Variants in SYN3 observed in about 807,000 individuals in gnomAD.
SYN3 encodes synapsin III, also known as synapsin-3.
In SYN3, 35 loss-of-function variants were observed where a neutral mutation model predicts 65.8. That is an observed-to-expected ratio of 0.53 (90% CI 0.41 to 0.70). The LOEUF (loss-of-function observed/expected upper bound fraction) is 0.70. Among genes scored for constraint, SYN3 ranks in the 30% least tolerant of loss-of-function variants. SYN3 has a pLI of 0.00. For synonymous variants in SYN3, 270 were observed against 292.9 expected (o/e 0.92, Z 0.80); for missense variants, 680 against 749.0 (o/e 0.91, Z 1.08).
chr22:32,513,845 G>A, intron 13 of SYN3, 21 bp from the exon 14 acceptor site: 2 of 1,613,902 alleles, frequency 1.2e-6, no homozygotes, highest in Non-Finnish European at 1.7e-6. Context: ...AAGGCAAGGG[G>A]GTTGAGGAAG....
rs141393529 is a variant in SYN3, at chr22:32,730,709, T to C, written c.712-133973A>G. Among the ~76,000 whole-genome samples the C allele has an allele frequency of 1.2e-3, 179 of 152,316 alleles. 1 individual carries two copies. The highest frequency in any genetic ancestry group is 4.0e-3 in the African/African-American group (168 of 41,564). Reference sequence around the variant, plus strand: ...ACTGTGAGGTAATAAGTGGGTGTTGTCTTGCAATGCTAAATTTGTGATAAT... The same window carrying C: ...ACTGTGAGGTAATAAGTGGGTGTTGCCTTGCAATGCTAAATTTGTGATAAT... On this transcript the variant is annotated intron_variant, in intron 6 of 13. Transcript: ENST00000358763.
At chr22:32,838,212 T>G (rs130301) in intron 6 of SYN3, among the ~76,000 whole-genome samples, 145,515 of 152,326 alleles carry the variant, frequency 0.96, 69,557 homozygotes, top group African/African-American at 0.99. Context: ...TGAATAAATA[T>G]CAGATGAGTG....
In SYN3 at chr22:32,569,256, A is replaced by AATCTATCTATCTATCTATCTGTCT. The variant is rs1555898441; in HGVS notation, c.774+27417_774+27418insAGACAGATAGATAGATAGATAGAT. Among the ~76,000 whole-genome samples the AATCTATCTATCTATCTATCTGTCT allele has an allele frequency of 6.9e-4, 97 of 141,096 alleles. 2 individuals are homozygous for AATCTATCTATCTATCTATCTGTCT. The highest frequency in any genetic ancestry group is 4.8e-3 in the South Asian group (19 of 3,982). The allele number at this position is 141,096 out of a possible 152,430, so 92.6% of individuals were successfully genotyped here. A position where few individuals can be genotyped will look rare whatever the true frequency, so the allele number is the denominator to read the frequency against. Reference sequence around the variant, plus strand: ...TTTCTATCTATCTCTATGCATCCAAAATCTATCTATCTATCTATCTATCTA... The same window carrying AATCTATCTATCTATCTATCTGTCT: ...TTTCTATCTATCTCTATGCATCCAAAATCTATCTATCTATCTATCTGTCTATCTATCTATCTATCTATCTATCTA... On this transcript the variant is annotated intron_variant, in intron 7 of 13. Coordinates refer to ENST00000358763, the MANE Select transcript of SYN3 (RefSeq NM_003490.4).
At chr22:32,527,645 C>T (rs1328506592) in intron 12 of SYN3, 4 of 359,806 alleles carry the variant, frequency 1.1e-5, no homozygotes, top group African/African-American at 4.3e-5. Context: ...CACTGCAGGA[C>T]GGCTGGGAAA....
chr22:32,757,600 G>C (rs1419960786), intron 6 of SYN3, among the ~76,000 whole-genome samples: 1 of 152,102 alleles, frequency 6.6e-6, no homozygotes, highest in East Asian at 1.9e-4. Flanking sequence ...CCCGGCCTGG[G>C]CTCCTCCTAC....
In SYN3 at chr22:33,006,374, T is replaced by C. The variant is rs746837646; in HGVS notation, c.289A>G (p.Ile97Val). ...IVQRPRILLV[I>V]DDAHTDWSKY... Reference sequence around the variant, plus strand: ...TACCAGTCTGTATGGGCATCATCGATCACCAACAGGATCCTGGGTCTTTGA... The same window carrying C: ...TACCAGTCTGTATGGGCATCATCGACCACCAACAGGATCCTGGGTCTTTGA... The change falls in exon 2 of 14, where the codon ATC becomes GTC. Residue 97 changes from isoleucine (I) to valine (V), a missense_variant. By Grantham distance (29) the Ile-to-Val change is conservative. Transcript: ENST00000358763. 6.2e-6 allele frequency: 10 copies of C among 1,613,136 alleles called. No homozygotes were observed. The South Asian group carries it at 9.9e-5, about 16-fold the overall frequency.
At chr22:32,833,935 G>T in intron 6 of SYN3, 1 of 490,848 alleles carries the variant, frequency 2.0e-6, no homozygotes, top group South Asian at 1.5e-5. Flanking sequence ...TTGACAATAG[G>T]ATTTTTATAA....
intron 12 of SYN3, among the ~76,000 whole-genome samples, chr22:32,526,735 G>T (rs1329874462): frequency 6.6e-6 from 1 of 152,098 alleles, no homozygotes; most frequent in Non-Finnish European, 1.5e-5. Context: ...TGGCTAGGCT[G>T]GTCTCGAACT....
At chr22:32,870,049 C>T (rs1316332105) in intron 4 of SYN3, among the ~76,000 whole-genome samples, 1 of 152,064 alleles carries the variant, frequency 6.6e-6, no homozygotes, top group Non-Finnish European at 1.5e-5. Flanking sequence ...TTTTTGGATT[C>T]CTTATTTTTA....
At chr22:32,691,287 G>A (rs1343733728) in intron 6 of SYN3, among the ~76,000 whole-genome samples, 2 of 152,106 alleles carry the variant, frequency 1.3e-5, no homozygotes, top group African/African-American at 4.8e-5. Context: ...TGTCATATTG[G>A]CCAACAGGAT....
intron 6 of SYN3, among the ~76,000 whole-genome samples, chr22:32,745,775 GA>G (rs968794043): frequency 4.1e-4 from 62 of 152,114 alleles, no homozygotes; most frequent in African/African-American, 1.4e-3. Flanking sequence ...GCAGAAGGGA[GA>G]AAAAAGCAAT....
At chr22:32,768,701 T>A (rs2045689166) in intron 6 of SYN3, among the ~76,000 whole-genome samples, 1 of 152,220 alleles carries the variant, frequency 6.6e-6, no homozygotes, top group Non-Finnish European at 1.5e-5. Context: ...TGGAGAAAAC[T>A]GTGACCATGA....
chr22:32,755,775 A>G (rs991804165), intron 6 of SYN3, among the ~76,000 whole-genome samples: 1 of 152,174 alleles, frequency 6.6e-6, no homozygotes, highest in African/African-American at 2.4e-5. Flanking sequence ...TATGACAAAT[A>G]CCACTTAATG....
chr22:32,941,118 A>G (rs2146756994), intron 3 of SYN3, among the ~76,000 whole-genome samples: 1 of 152,368 alleles, frequency 6.6e-6, no homozygotes, highest in Non-Finnish European at 1.5e-5. Context: ...GGTTAAAAAA[A>G]AAGTTTTATT....
chr22:32,648,038 T>C (rs1406690508), intron 6 of SYN3, among the ~76,000 whole-genome samples: 2 of 152,108 alleles, frequency 1.3e-5, no homozygotes, highest in Non-Finnish European at 2.9e-5. Flanking sequence ...GAAAAGTTTT[T>C]GTAGGGATTG....
chr22:32,514,690 C>T (rs2057741638), intron 13 of SYN3: 1 of 152,238 alleles, frequency 6.6e-6, no homozygotes, highest in Admixed American at 6.5e-5. Context: ...AGTTGAAGAG[C>T]TCTGCATGTG....
intron 6 of SYN3, among the ~76,000 whole-genome samples, chr22:32,604,639 G>T (rs2059341605): frequency 6.6e-6 from 1 of 151,724 alleles, no homozygotes; most frequent in South Asian, 2.1e-4. Context: ...CTGGTCTCCC[G>T]TAGGCACTTC....
intron 6 of SYN3, among the ~76,000 whole-genome samples, chr22:32,663,933 C>CG (rs1366500369): frequency 7.4e-6 from 1 of 136,046 alleles, no homozygotes; most frequent in Admixed American, 7.6e-5. Context: ...AACAGCATTC[C>CG]CCCCCCACAC....
In SYN3 at chr22:32,625,887, G is replaced by C. The variant is rs117025260; in HGVS notation, c.712-29151C>G. On this transcript the variant is annotated intron_variant, in intron 6 of 13. Coordinates refer to ENST00000358763, the MANE Select transcript of SYN3 (RefSeq NM_003490.4). Reference sequence around the variant, plus strand: ...TAGTCTTAAGGATCTAAGTCTTCTTGTGCACAACAGATAAAGATATCGATA... The same window carrying C: ...TAGTCTTAAGGATCTAAGTCTTCTTCTGCACAACAGATAAAGATATCGATA... Among the ~76,000 whole-genome samples the C allele has an allele frequency of 6.2e-4, 94 of 152,298 alleles. 2 individuals carry two copies. In the East Asian group the frequency reaches 0.016, roughly 26 times the overall value.
Sources: allele counts gnomAD v4.1 joint callset (sites outside exome capture counted in the v4.1 genomes callset), GRCh38; gene constraint gnomAD v4.1.1; transcripts MANE v1.5; gene names NCBI Gene and HGNC (gene_info 2026-07-23, HGNC 2026-07-21).